Variants in NTM observed in about 807,000 individuals in gnomAD.
NTM encodes the protein IgLON family member 2.
NTM carries 13 observed loss-of-function variants against 42.1 expected under a neutral mutation model. That is an observed-to-expected ratio of 0.31 (90% CI 0.20 to 0.49). The LOEUF (loss-of-function observed/expected upper bound fraction) is 0.49, where lower values mean the gene tolerates loss of function less well. Among genes scored for constraint, NTM ranks in the 20% least tolerant of loss-of-function variants. The pLI is 0.99. For synonymous variants in NTM, 187 were observed against 179.2 expected, an observed-to-expected ratio of 1.04 and a Z score of -0.35; for missense variants, 373 against 452.8, an observed-to-expected ratio of 0.82 and a Z score of 1.60.
intron 1 of NTM, among the ~76,000 whole-genome samples, chr11:131,845,019 C>T (rs1344975147): frequency 6.6e-6 from 1 of 152,158 alleles, no homozygotes; most frequent in East Asian, 1.9e-4. Context: ...AGCATCCTTG[C>T]TTTGTTTCTG....
At chr11:132,090,588 T>A (rs993656316) in intron 2 of NTM, among the ~76,000 whole-genome samples, 1 of 152,138 alleles carries the variant, frequency 6.6e-6, no homozygotes, top group Non-Finnish European at 1.5e-5. Flanking sequence ...CACTAAATCC[T>A]TCCCAGCTTG....
At chr11:132,071,334 G>A (rs376420050) in intron 2 of NTM, among the ~76,000 whole-genome samples, 15 of 141,828 alleles carry the variant, frequency 1.1e-4, no homozygotes, top group East Asian at 6.1e-4. Flanking sequence ...TCACAGGTTA[G>A]TTAACACGTC....
At chr11:132,030,084 C>G (rs2075724158) in intron 2 of NTM, among the ~76,000 whole-genome samples, 1 of 151,994 alleles carries the variant, frequency 6.6e-6, no homozygotes, top group African/African-American at 2.4e-5. Flanking sequence ...TTTTGTTACT[C>G]AGGTCATTAT....
At chr11:132,025,373 T>C (rs1371551085) in intron 2 of NTM, among the ~76,000 whole-genome samples, 1 of 152,194 alleles carries the variant, frequency 6.6e-6, no homozygotes, top group Non-Finnish European at 1.5e-5. Context: ...AAGGGATCTT[T>C]GGAAGCAATT....
chr11:132,166,525 A>G (rs2075304601), intron 3 of NTM, among the ~76,000 whole-genome samples: 1 of 152,074 alleles, frequency 6.6e-6, no homozygotes, highest in Admixed American at 6.5e-5. Flanking sequence ...TGCAGTGTAG[A>G]GAACTCTCTA....
chr11:132,040,437 A>T (rs1415583968), intron 2 of NTM, among the ~76,000 whole-genome samples: 1 of 152,246 alleles, frequency 6.6e-6, no homozygotes, highest in East Asian at 1.9e-4. Context: ...AGTTTGGGTG[A>T]CACATTTCAG....
intron 2 of NTM, among the ~76,000 whole-genome samples, chr11:132,039,605 A>G (rs1324205829): frequency 2.6e-5 from 4 of 152,010 alleles, no homozygotes; most frequent in South Asian, 2.1e-4. Context: ...GAGTGGAGAA[A>G]CCTTCGCAGA....
chr11:131,780,792 T>C (rs564907175), intron 1 of NTM, among the ~76,000 whole-genome samples: 4 of 152,310 alleles, frequency 2.6e-5, no homozygotes, highest in Non-Finnish European at 5.9e-5. Flanking sequence ...AGGGTCCTTA[T>C]GGTTCCCAGG....
chr11:131,986,568 C>G (rs1242449692), intron 2 of NTM, among the ~76,000 whole-genome samples: 1 of 152,168 alleles, frequency 6.6e-6, no homozygotes, highest in Non-Finnish European at 1.5e-5. Flanking sequence ...CAGAGTTAAA[C>G]TTGCTGTAAC....
At chr11:131,388,604 G>A (rs1943609651) in intron 1 of NTM, among the ~76,000 whole-genome samples, 1 of 151,968 alleles carries the variant, frequency 6.6e-6, no homozygotes, top group South Asian at 2.1e-4. Context: ...CATTTTAATA[G>A]GAATGTGTAT....
At chr11:131,692,862 T>C (rs970884394) in intron 1 of NTM, among the ~76,000 whole-genome samples, 4 of 152,136 alleles carry the variant, frequency 2.6e-5, no homozygotes, top group Non-Finnish European at 4.4e-5. Context: ...CAGGAAAGAA[T>C]CAAAGGGGTG....
intron 1 of NTM, among the ~76,000 whole-genome samples, chr11:131,578,955 A>G (rs1350468306): frequency 6.6e-6 from 1 of 152,206 alleles, no homozygotes; most frequent in Non-Finnish European, 1.5e-5. Flanking sequence ...AAAGACAGAA[A>G]GCCAGGAATC....
At chr11:132,237,499 T>C (rs952885617) in intron 4 of NTM, among the ~76,000 whole-genome samples, 7 of 152,172 alleles carry the variant, frequency 4.6e-5, no homozygotes, top group Non-Finnish European at 1.0e-4. Flanking sequence ...CCCATCCAAA[T>C]GGCGGAAAGT....
At chr11:132,241,890 T>C (rs932519739) in intron 4 of NTM, among the ~76,000 whole-genome samples, 2 of 152,204 alleles carry the variant, frequency 1.3e-5, no homozygotes, top group African/African-American at 4.8e-5. Flanking sequence ...AGAAGCAGCA[T>C]TTGGGAGGAA....
chr11:131,390,911 G>T (rs943237435), intron 1 of NTM, among the ~76,000 whole-genome samples: 3 of 152,098 alleles, frequency 2.0e-5, no homozygotes, highest in African/African-American at 7.2e-5. Context: ...CTGGTTACCT[G>T]GCCAGAGGTA....
chr11:131,997,518 T>C (rs960188950), intron 2 of NTM, among the ~76,000 whole-genome samples: 2 of 152,176 alleles, frequency 1.3e-5, no homozygotes, highest in African/African-American at 4.8e-5. Context: ...GTGGTGAGCA[T>C]GCGGGCAGTG....
intron 1 of NTM, among the ~76,000 whole-genome samples, chr11:131,862,770 G>T (rs893696949): frequency 2.0e-5 from 3 of 152,196 alleles, no homozygotes; most frequent in Non-Finnish European, 2.9e-5. Context: ...CGAAATATGA[G>T]TTATTGGATG....
chr11:132,336,308 G>T lies in NTM; in HGVS notation c.*1162G>T, dbSNP rs1001320610. 6.6e-6 allele frequency: 1 copy of T among 152,258 alleles called. No individual in the cohort carries two copies. The highest frequency in any genetic ancestry group is 1.5e-5 in the Non-Finnish European group (1 of 67,996). The allele number at this position is 152,258 out of a possible 1,614,324, so 9.4% of individuals were successfully genotyped here. On this transcript the variant is annotated 3_prime_UTR_variant, in exon 9 of 9. Coordinates refer to ENST00000683400, the MANE Select transcript of NTM (RefSeq NM_001352005.2). The stretch of plus-strand genomic sequence containing the variant: ...CTTCTAAAAGATGATAGAGTTTACT[G>T]GTAATTGTGTAATCAGCTCCTGCCT...
intron 3 of NTM, among the ~76,000 whole-genome samples, chr11:132,149,422 A>G (rs1307869183): frequency 6.6e-6 from 1 of 152,166 alleles, no homozygotes; most frequent in Non-Finnish European, 1.5e-5. Context: ...AAAAAGAAAT[A>G]AAAACAGCAA....
Sources: allele counts gnomAD v4.1 joint callset (sites outside exome capture counted in the v4.1 genomes callset), GRCh38; gene constraint gnomAD v4.1.1; transcripts MANE v1.5; gene names NCBI Gene and HGNC (gene_info 2026-07-23, HGNC 2026-07-21).